The following FNBP1L variants were observed in gnomAD, a reference collection of about 807,000 sequenced individuals.
FNBP1L encodes the protein formin binding protein 1 like, also known as formin-binding protein 1-like.
FNBP1L carries 36 observed loss-of-function variants against 91.2 expected under a neutral mutation model. The observed-to-expected ratio is 0.39, with a 90% confidence interval of 0.30 to 0.52. FNBP1L has a LOEUF of 0.52. Among genes scored for constraint, FNBP1L ranks in the 20% least tolerant of loss-of-function variants. The pLI, the probability that FNBP1L is intolerant of heterozygous loss-of-function variation, is 0.66. For missense variants in FNBP1L, 571 were observed against 732.1 expected, an observed-to-expected ratio of 0.78 and a Z score of 2.54; for synonymous variants, 242 against 237.0, an observed-to-expected ratio of 1.02 and a Z score of -0.19.
At chr1:93,519,196 C>G (rs1219190595) in intron 2 of FNBP1L, among the ~76,000 whole-genome samples, 1 of 152,160 alleles carries the variant, frequency 6.6e-6, no homozygotes, top group Non-Finnish European at 1.5e-5. Flanking sequence ...TTCAGAGTTC[C>G]TTCATATGAC....
chr1:93,526,425 G>A (rs1487995438), intron 5 of FNBP1L, among the ~76,000 whole-genome samples: 1 of 152,088 alleles, frequency 6.6e-6, no homozygotes, highest in Non-Finnish European at 1.5e-5. Flanking sequence ...AGCTAAACAC[G>A]ATATCCTCAT....
chr1:93,554,104 C>T lies in FNBP1L; in HGVS notation c.*1688C>T, dbSNP rs1672500625. The stretch of plus-strand genomic sequence containing the variant: ...GACATATAGTGTATTACCTTTGCAG[C>T]TAGTAAACTATAAAGTTTAGATATT... On this transcript the variant is annotated 3_prime_UTR_variant, in exon 17 of 17. Transcript: ENST00000271234. 1 of 152,540 alleles carries T rather than the reference C, an allele frequency of 6.6e-6. No homozygotes were observed. Among genetic ancestry groups the T allele is most frequent in the African/African-American group, 2.4e-5 (1 of 41,414 alleles). 9.4% of individuals were successfully genotyped at this position (152,540 alleles called of 1,614,324 possible). A position where few individuals can be genotyped will look rare whatever the true frequency, so the allele number is the denominator to read the frequency against.
intron 2 of FNBP1L, among the ~76,000 whole-genome samples, chr1:93,505,668 T>A (rs1670584793): frequency 6.6e-6 from 1 of 152,230 alleles, no homozygotes; most frequent in African/African-American, 2.4e-5. Flanking sequence ...TATTTAAGAA[T>A]GTTAGCACAG....
rs75778170 is a variant in FNBP1L at position 93,452,078 on chromosome 1, C to T, written c.24+3773C>T. ...TATCCTCAGTGTTAACCTTTTAATACTTTATTATCTTGGCTTCATAACACT... is the reference window on the plus strand; with the variant it reads ...TATCCTCAGTGTTAACCTTTTAATATTTTATTATCTTGGCTTCATAACACT... On this transcript the variant is annotated intron_variant, in intron 1 of 16. Coordinates refer to ENST00000271234, the MANE Select transcript of FNBP1L (RefSeq NM_001164473.3). 4.0e-3 allele frequency among the ~76,000 whole-genome samples: 613 copies of T among 152,252 alleles called. 26 individuals carry two copies. In the East Asian group the frequency reaches 0.09, roughly 22 times the overall value.
At chr1:93,453,791 G>T (rs770606594) in intron 1 of FNBP1L, among the ~76,000 whole-genome samples, 4 of 152,140 alleles carry the variant, frequency 2.6e-5, no homozygotes, top group African/African-American at 9.7e-5. Flanking sequence ...CCTGAAACAC[G>T]TAAACAGGAC....
chr1:93,454,565 A>G (rs1265026480), intron 1 of FNBP1L, among the ~76,000 whole-genome samples: 1 of 152,142 alleles, frequency 6.6e-6, no homozygotes, highest in Non-Finnish European at 1.5e-5. Flanking sequence ...TCCTTTAATA[A>G]TATGTTACTA....
At chr1:93,524,541 ACT>A (rs1671434782) in intron 5 of FNBP1L, among the ~76,000 whole-genome samples, 1 of 147,114 alleles carries the variant, frequency 6.8e-6, no homozygotes, top group South Asian at 2.1e-4. Context: ...ATACTTAAGA[ACT>A]CTGTAATCTT....
chr1:93,524,427 A>T, intron 5 of FNBP1L, 104 bp downstream of exon 5: 1 of 758,280 alleles, frequency 1.3e-6, no homozygotes, highest in Non-Finnish European at 1.9e-6. Flanking sequence ...TTCTCAGTGT[A>T]TTATTAATAA....
At chr1:93,537,611 A>C (rs751300658) in intron 10 of FNBP1L, among the ~76,000 whole-genome samples, 2 of 152,124 alleles carry the variant, frequency 1.3e-5, no homozygotes, top group Non-Finnish European at 2.9e-5. Flanking sequence ...CAGTGACATG[A>C]ACTTCTTTGC....
intron 2 of FNBP1L, among the ~76,000 whole-genome samples, chr1:93,515,182 C>T (rs540515407): frequency 4.6e-5 from 7 of 152,250 alleles, no homozygotes; most frequent in Non-Finnish European, 8.8e-5. Flanking sequence ...CATCACTGGC[C>T]ATCAGAGAAA....
At chr1:93,463,828 C>T (rs1297293635) in intron 1 of FNBP1L, among the ~76,000 whole-genome samples, 1 of 152,196 alleles carries the variant, frequency 6.6e-6, no homozygotes, top group Non-Finnish European at 1.5e-5. Context: ...GAGTTTGTTT[C>T]ATACATTTGT....
intron 1 of FNBP1L, among the ~76,000 whole-genome samples, chr1:93,456,755 G>A (rs1470589881): frequency 2.0e-5 from 3 of 151,540 alleles, no homozygotes. Flanking sequence ...TTTAGCTTGG[G>A]TGATAGAGCA....
At chr1:93,518,524 T>G (rs1439242727) in intron 2 of FNBP1L, among the ~76,000 whole-genome samples, 1 of 152,198 alleles carries the variant, frequency 6.6e-6, no homozygotes, top group Non-Finnish European at 1.5e-5. Context: ...GTAGGATGAT[T>G]GTCAAATTTT....
At chr1:93,459,941 A>ATG (rs34705153) in intron 1 of FNBP1L, among the ~76,000 whole-genome samples, 32,053 of 142,060 alleles carry the variant, frequency 0.23, 3,649 homozygotes, top group African/African-American at 0.3. Flanking sequence ...TGGATTTCAG[A>ATG]TGTGTGTGTG....
At position 93,540,213 on chromosome 1, in the gene FNBP1L, T is replaced by TA. The variant is rs546257793; in HGVS notation, c.1150-828dup. ...GTACACACACACATATATATACATA[T>TA]ATAAAGTATTGTTGTACAAGAGCAC... On this transcript the variant is annotated intron_variant, in intron 10 of 16. Coordinates refer to ENST00000271234, the MANE Select transcript of FNBP1L (RefSeq NM_001164473.3). Among the ~76,000 whole-genome samples, 170 of 152,292 alleles carry TA rather than the reference T, an allele frequency of 1.1e-3. 1 individual carries two copies. The highest frequency in any genetic ancestry group is 3.8e-3 in the African/African-American group (158 of 41,566).
intron 2 of FNBP1L, among the ~76,000 whole-genome samples, chr1:93,521,566 C>G (rs1671329575): frequency 6.6e-6 from 1 of 152,198 alleles, no homozygotes; most frequent in Non-Finnish European, 1.5e-5. Flanking sequence ...TTGCCTATAA[C>G]CTACCCACAT....
chr1:93,474,436 C>A (rs755129093), intron 1 of FNBP1L, among the ~76,000 whole-genome samples: 1 of 151,862 alleles, frequency 6.6e-6, no homozygotes, highest in African/African-American at 2.4e-5. Context: ...GCCCTTACTC[C>A]GAAGATAAGT....
intron 2 of FNBP1L, among the ~76,000 whole-genome samples, chr1:93,507,882 C>T (rs575602517): frequency 6.6e-6 from 1 of 151,176 alleles, no homozygotes; most frequent in South Asian, 2.1e-4. Flanking sequence ...CTCCTGACCT[C>T]AGGTGATCCA....
intron 12 of FNBP1L, among the ~76,000 whole-genome samples, chr1:93,544,606 C>T (rs905889197): frequency 6.6e-6 from 1 of 152,202 alleles, no homozygotes; most frequent in East Asian, 1.9e-4. Context: ...TGATTACTGA[C>T]GGCTTCATAT....
Sources: gnomAD v4.1 joint callset for allele counts (sites outside exome capture counted in the v4.1 genomes callset) on GRCh38, gnomAD v4.1.1 for gene constraint, MANE v1.5 for transcripts, NCBI Gene and HGNC (gene_info 2026-07-23, HGNC 2026-07-21) for gene names.